Variants in RNF212 observed in about 807,000 individuals in gnomAD.
RNF212 encodes the protein ring finger protein 212, also known as probable E3 SUMO-protein ligase RNF212.
Under a neutral mutation model 34.7 loss-of-function variants are expected in RNF212, and 33 were observed. That is an observed-to-expected ratio of 0.95 (90% CI 0.72 to 1.27). The LOEUF (loss-of-function observed/expected upper bound fraction) is 1.27, where lower values mean the gene tolerates loss of function less well. RNF212 is among the 50% of genes most tolerant of loss of function. The pLI is 0.00. For missense variants in RNF212, 377 were observed against 362.2 expected, an observed-to-expected ratio of 1.04 and a Z score of -0.33; for synonymous variants, 140 against 136.1, an observed-to-expected ratio of 1.03 and a Z score of -0.20.
At chr4:1,073,713 C>A in intron 8 of RNF212, 51 bp from the exon 9 acceptor site, 1 of 1,270,700 alleles carries the variant, frequency 7.9e-7, no homozygotes. Context: ...TTGCGGCTTA[C>A]GAGATTCGGA....
chr4:1,111,099 G>A (rs1044558956), intron 1 of RNF212, among the ~76,000 whole-genome samples: 1 of 152,078 alleles, frequency 6.6e-6, no homozygotes, highest in Admixed American at 6.6e-5. Context: ...CATTATCTTG[G>A]GTCACCAGTG....
chr4:1,094,573 C>A (rs1722748390), intron 3 of RNF212, among the ~76,000 whole-genome samples: 1 of 152,040 alleles, frequency 6.6e-6, no homozygotes, highest in Admixed American at 6.6e-5. Flanking sequence ...GGCTCAGCTG[C>A]CAGGATGGGG....
chr4:1,056,770 T>G, intron 4 of RNF212: 1 of 877,788 alleles, frequency 1.1e-6, no homozygotes, highest in Non-Finnish European at 1.4e-6. Flanking sequence ...ACACACTCAG[T>G]TAAAGAGCTT....
chr4:1,101,272 TC>T, intron 2 of RNF212: 1 of 332,182 alleles, frequency 3.0e-6, no homozygotes, highest in Non-Finnish European at 5.9e-6. Context: ...TGGTCTTTTG[TC>T]CCTTTCACTG....
chr4:1,084,171 A>C (rs1720810812), intron 5 of RNF212, among the ~76,000 whole-genome samples: 1 of 152,076 alleles, frequency 6.6e-6, no homozygotes, highest in Non-Finnish European at 1.5e-5. Flanking sequence ...GGTTGGTCTC[A>C]AACTCCCGAC....
chr4:1,098,821 A>C (rs958063956), intron 2 of RNF212, among the ~76,000 whole-genome samples: 1 of 152,196 alleles, frequency 6.6e-6, no homozygotes, highest in Non-Finnish European at 1.5e-5. Flanking sequence ...AGCGTGGCCC[A>C]TGTGAGTGCG....
Position 1,096,833 on chromosome 4 carries a change from C to A in RNF212, c.178G>T (p.Ala60Ser). 6.2e-7 allele frequency: 1 copy of A among 1,610,340 alleles called. No individual in the cohort carries two copies. The highest frequency in any genetic ancestry group is 8.5e-7 in the Non-Finnish European group (1 of 1,176,442). The change falls in exon 3 of 10, where the codon GCA becomes TCA. Residue 60 changes from alanine to serine, a missense_variant. Coordinates refer to ENST00000433731, the MANE Select transcript of RNF212 (RefSeq NM_001131034.4). The stretch of plus-strand genomic sequence containing the variant: ...CTCATGAAGAATGCCTGGATATCTG[C>A]GTCGGTCTGAAAGAGAAAGAAATGA... ...RTVLLSKHTD[A>S]DIQAFFMSID...
Position 1,113,397 on chromosome 4 carries a change from G to C in RNF212, c.68C>G (p.Thr23Ser), listed in dbSNP as rs375947137. ...GTCGCAGTACACGTGCCCGCAGTTG[G>C]TGAGGCTGAAGCACGACGTCCTGTG... Reference protein sequence around the residue: ...PPHRTSCFSLTNCGHVYCDAC... With the variant: ...PPHRTSCFSLSNCGHVYCDAC... Residue 23 changes from threonine (T) to serine (S), a missense_variant, in exon 1 of 10, where the codon ACC (threonine) becomes AGC (serine). Thr to Ser is a moderately conservative substitution (Grantham distance 58, BLOSUM62 1). Coordinates refer to ENST00000433731, the MANE Select transcript of RNF212 (RefSeq NM_001131034.4). 1.8e-5 allele frequency: 29 copies of C among 1,604,308 alleles called. No homozygotes were observed. The highest frequency in any genetic ancestry group is 2.4e-5 in the Non-Finnish European group (28 of 1,176,836).
At chr4:1,056,953 T>A (rs961136933) in intron 4 of RNF212, 2 of 987,936 alleles carry the variant, frequency 2.0e-6, no homozygotes, top group Non-Finnish European at 2.4e-6. Flanking sequence ...CTGGTAACTG[T>A]GGTGTTGGCG....
chr4:1,109,304 A>C (rs2153067125), intron 1 of RNF212, among the ~76,000 whole-genome samples: 1 of 152,324 alleles, frequency 6.6e-6, no homozygotes, highest in East Asian at 1.9e-4. Flanking sequence ...CACCATGCCC[A>C]GCCTATGATT....
intron 2 of RNF212, among the ~76,000 whole-genome samples, chr4:1,099,323 A>G (rs574297631): frequency 3.0e-4 from 45 of 152,386 alleles, no homozygotes; most frequent in African/African-American, 9.4e-4. Context: ...AAAATAAATA[A>G]TAAAGGAATT....
At chr4:1,100,168 G>T (rs1323065181) in intron 2 of RNF212, 1 of 324,430 alleles carries the variant, frequency 3.1e-6, no homozygotes, top group Admixed American at 4.4e-5. Context: ...GACTTTGCAC[G>T]GTTTCAGAAT....
intron 3 of RNF212, chr4:1,093,501 C>G: frequency 4.0e-6 from 6 of 1,496,284 alleles, no homozygotes; most frequent in Admixed American, 2.2e-5. Flanking sequence ...GTGTAACTGA[C>G]AAACAGTGGG....
downstream of RNF212, among the ~76,000 whole-genome samples, chr4:1,070,414 A>G (rs1296276980): frequency 5.0e-5 from 6 of 121,200 alleles, no homozygotes; most frequent in African/African-American, 1.4e-4. Flanking sequence ...GTTTTGTAGG[A>G]CTGTGCTGTG....
intron 2 of RNF212, among the ~76,000 whole-genome samples, chr4:1,097,758 C>A (rs1723286548): frequency 6.6e-6 from 1 of 152,162 alleles, no homozygotes; most frequent in African/African-American, 2.4e-5. Flanking sequence ...CATGGAGCTG[C>A]CGTGAGCTAG....
chr4:1,110,366 G>C (rs1179677173), intron 1 of RNF212, among the ~76,000 whole-genome samples: 1 of 152,086 alleles, frequency 6.6e-6, no homozygotes, highest in Non-Finnish European at 1.5e-5. Context: ...GTCACTACAG[G>C]GAATAGAAAC....
In RNF212 at chr4:1,096,813, G is replaced by A; in HGVS notation, c.198C>T (p.Phe66=). 2 of 1,613,334 alleles carry A rather than the reference G, an allele frequency of 1.2e-6. No individual in the cohort carries two copies. The highest frequency in any genetic ancestry group is 2.2e-5 in the South Asian group (2 of 91,050). ...KHTDADIQAF[F]MSIDSLCKKY... ...TCTTACACAGACTGTCTATGCTCAT[G>A]AAGAATGCCTGGATATCTGCGTCGG... Residue 66 remains phenylalanine, a synonymous_variant, in exon 3 of 10, where the codon TTC becomes TTT. Transcript: ENST00000433731.
intron 3 of RNF212, among the ~76,000 whole-genome samples, chr4:1,060,050 G>A (rs1276230157): frequency 7.2e-6 from 1 of 139,664 alleles, no homozygotes; most frequent in East Asian, 2.1e-4. Context: ...AGTGAGCTGA[G>A]ATCACACCAT....
intron 1 of RNF212, among the ~76,000 whole-genome samples, chr4:1,111,464 C>A (rs545756368): frequency 4.6e-5 from 7 of 152,268 alleles, no homozygotes; most frequent in African/African-American, 1.2e-4. Flanking sequence ...CCCTGCTGTG[C>A]CCCACCCTGC....
Sources: allele counts gnomAD v4.1 joint callset (sites outside exome capture counted in the v4.1 genomes callset), GRCh38; gene constraint gnomAD v4.1.1; transcripts MANE v1.5; gene names NCBI Gene and HGNC (gene_info 2026-07-23, HGNC 2026-07-21).